Variants in TF observed in about 807,000 individuals in gnomAD.
The protein encoded by TF is serotransferrin.
In TF, 55 loss-of-function variants were observed where a neutral mutation model predicts 82.4. That is an observed-to-expected ratio of 0.67 (90% CI 0.54 to 0.84). TF has a LOEUF of 0.84. Ranked by LOEUF, TF falls within the 40% of genes least tolerant of loss-of-function variation. The probability of loss-of-function intolerance (pLI) is 0.00; values close to 1 mark genes in which losing one functional copy is unlikely to be tolerated. For missense variants in TF, 737 were observed against 868.4 expected (o/e 0.85, Z 1.90); for synonymous variants, 332 against 332.6 (o/e 1.00, Z 0.02).
Position 133,786,275 on chromosome 3 carries a change from A to G in TF, c.*7655A>G, listed in dbSNP as rs956047890. Reference sequence around the variant, plus strand: ...TTTTTGAACTATCTACCCTTTCTAGATGTTCTGAAATGCCTATGTTAAAAT... The same window carrying G: ...TTTTTGAACTATCTACCCTTTCTAGGTGTTCTGAAATGCCTATGTTAAAAT... On this transcript the variant is annotated 3_prime_UTR_variant, in exon 17 of 17. Transcript: ENST00000402696. 2.0e-5 allele frequency: 3 copies of G among 151,466 alleles called. No individual in the cohort carries two copies. Among genetic ancestry groups the G allele is most frequent in the Non-Finnish European group, 2.9e-5 (2 of 67,926 alleles). 9.4% of individuals were successfully genotyped at this position (151,466 alleles called of 1,614,324 possible). A position where few individuals can be genotyped will look rare whatever the true frequency, so the allele number is the denominator to read the frequency against.
intron 8 of TF, 119 bp downstream of exon 8, chr3:133,758,065 CCTGT>C: frequency 3.2e-6 from 3 of 947,200 alleles, no homozygotes; most frequent in Admixed American, 4.5e-5. Context: ...CTTTTTCTGA[CCTGT>C]CTGTGAGCCC....
chr3:133,747,921 T>A (rs1278658996), intron 1 of TF, among the ~76,000 whole-genome samples: 2 of 150,132 alleles, frequency 1.3e-5, no homozygotes, highest in African/African-American at 4.9e-5. Context: ...ACAAGCAGGG[T>A]GACCTTGGGT....
Position 133,791,956 on chromosome 3 carries a change from T to C in TF, c.*13336T>C, listed in dbSNP as rs962038735. 8.5e-5 allele frequency: 13 copies of C among 152,222 alleles called. No individual in the cohort carries two copies. Among genetic ancestry groups the C allele is most frequent in the African/African-American group, 2.4e-4 (10 of 41,458 alleles). 9.4% of individuals were successfully genotyped at this position (152,222 alleles called of 1,614,324 possible). A position where few individuals can be genotyped will look rare whatever the true frequency, so the allele number is the denominator to read the frequency against. ...TGCCTTCTATTTACTTCATGTAACT[T>C]AAGTAATCTTTGGGAAATAAAGACA... On this transcript the variant is annotated 3_prime_UTR_variant, in exon 17 of 17. Transcript: ENST00000402696.
the TF span, among the ~76,000 whole-genome samples, chr3:133,676,750 C>G: frequency 2.6e-5 from 4 of 152,250 alleles, no homozygotes; most frequent in Admixed American, 1.3e-4. Context: ...TGCAGCCCCG[C>G]TGGGATCGTT....
the TF span, among the ~76,000 whole-genome samples, chr3:133,701,399 G>C: frequency 1.3e-5 from 2 of 152,200 alleles, no homozygotes; most frequent in East Asian, 3.8e-4. Context: ...GAGGTTTCTG[G>C]TCTGGCCATC....
Position 133,796,008 on chromosome 3 carries a change from A to C in TF, c.*17388A>C, listed in dbSNP as rs1934960430. The C allele has an allele frequency of 1.3e-5, 2 of 152,266 alleles. No homozygotes were observed. The highest frequency in any genetic ancestry group is 4.8e-5 in the African/African-American group (2 of 41,428). The allele number at this position is 152,266 out of a possible 1,614,324, so 9.4% of individuals were successfully genotyped here. A position where few individuals can be genotyped will look rare whatever the true frequency, so the allele number is the denominator to read the frequency against. On this transcript the variant is annotated 3_prime_UTR_variant, in exon 17 of 17. Coordinates refer to ENST00000402696, the MANE Select transcript of TF (RefSeq NM_001063.4). The stretch of plus-strand genomic sequence containing the variant: ...GCCAAGACCTTAAGGAAACACATAG[A>C]TCCTAGAACAGACCACAGGCCAGGT...
In TF at chr3:133,778,735, T is replaced by G; in HGVS notation, c.*115T>G. 3 of 1,044,928 alleles carry G rather than the reference T, an allele frequency of 2.9e-6. No homozygotes were observed. Among genetic ancestry groups the G allele is most frequent in the Non-Finnish European group, 4.4e-6 (3 of 680,872 alleles). 64.7% of individuals were successfully genotyped at this position (1,044,928 alleles called of 1,614,324 possible). A position where few individuals can be genotyped will look rare whatever the true frequency, so the allele number is the denominator to read the frequency against. On this transcript the variant is annotated 3_prime_UTR_variant, in exon 17 of 17. Transcript: ENST00000402696. ...TGCTAACCACGTCTGTCTTCACAGCTCTGTGTTGCCATGTGTGCTGAACAA... is the reference window on the plus strand; with the variant it reads ...TGCTAACCACGTCTGTCTTCACAGCGCTGTGTTGCCATGTGTGCTGAACAA...
upstream of TF, among the ~76,000 whole-genome samples, chr3:133,742,791 T>C (rs1414877818): frequency 1.3e-5 from 2 of 152,220 alleles, no homozygotes; most frequent in African/African-American, 4.8e-5. Flanking sequence ...ACAACAAATA[T>C]TGGTTCAGAG....
At chr3:133,680,408 T>G in the TF span, among the ~76,000 whole-genome samples, 1 of 152,190 alleles carries the variant, frequency 6.6e-6, no homozygotes, top group Non-Finnish European at 1.5e-5. Context: ...CTCACTATGT[T>G]GCCCAGGCTG....
At position 133,755,707 on chromosome 3, in the gene TF, C is replaced by T; in HGVS notation, c.635+212C>T. On this transcript the variant is annotated intron_variant, in intron 5 of 16. Transcript: ENST00000402696. ...CTGACCCTGACAAGTAGGTCCTTTT[C>T]CTGGGGACCCTTCCTTTCTCCCCAG... is the stretch of plus-strand genomic sequence containing the variant. 4 of 636,192 alleles carry T rather than the reference C, an allele frequency of 6.3e-6. No homozygotes were observed. In the South Asian group the frequency reaches 7.5e-5, roughly 12 times the overall value. The allele number at this position is 636,192 out of a possible 1,614,324, so 39.4% of individuals were successfully genotyped here. A position where few individuals can be genotyped will look rare whatever the true frequency, so the allele number is the denominator to read the frequency against.
chr3:133,738,692 A>C, the TF span, among the ~76,000 whole-genome samples: 1 of 152,206 alleles, frequency 6.6e-6, no homozygotes, highest in African/African-American at 2.4e-5. Flanking sequence ...GCACCAAATC[A>C]TGAGTGGACT....
chr3:133,722,841 GATTT>G, the TF span, among the ~76,000 whole-genome samples: 2 of 152,140 alleles, frequency 1.3e-5, no homozygotes, highest in South Asian at 4.1e-4. Context: ...TTCTTAGTTT[GATTT>G]ATTTAATTAC....
At chr3:133,748,284 G>A (rs1029837089) in intron 1 of TF, 128 bp from the exon 2 acceptor site, 1 of 1,173,952 alleles carries the variant, frequency 8.5e-7, no homozygotes, top group Non-Finnish European at 1.2e-6. Context: ...GCCCTGTAGT[G>A]TTCATGGACA....
intron 1 of TF, chr3:133,747,036 A>G (rs1189971436): frequency 6.0e-6 from 1 of 165,542 alleles, no homozygotes; most frequent in East Asian, 1.7e-4. Context: ...GAGGTGGCAG[A>G]TGCTGAGTAC....
chr3:133,730,549 G>A, the TF span, among the ~76,000 whole-genome samples: 1 of 152,136 alleles, frequency 6.6e-6, no homozygotes, highest in African/African-American at 2.4e-5. Context: ...GTAGACCCTG[G>A]TCCAACAGGG....
chr3:133,725,166 A>G, the TF span, among the ~76,000 whole-genome samples: 1 of 152,116 alleles, frequency 6.6e-6, no homozygotes, highest in Non-Finnish European at 1.5e-5. Context: ...TATGAACTTT[A>G]AAGTAGTTTT....
At position 133,753,590 on chromosome 3, in the gene TF, T is replaced by C. The variant is rs369728138; in HGVS notation, c.217-5T>C. 9.5e-5 allele frequency: 153 copies of C among 1,613,582 alleles called. No homozygotes were observed. The highest frequency in any genetic ancestry group is 1.2e-4 in the Non-Finnish European group (139 of 1,179,612). ...TTCATCCAGGACTGGCCTGTTCTCT[T>C]TCAGGCAAACGAAGCGGATGCTGTG... On this transcript the variant is annotated splice_region_variant and splice_polypyrimidine_tract_variant and intron_variant, in intron 2 of 16. Transcript: ENST00000402696.
chr3:133,677,519 C>T, the TF span, among the ~76,000 whole-genome samples: 1 of 152,026 alleles, frequency 6.6e-6, no homozygotes, highest in Admixed American at 6.6e-5. Context: ...CGCCTGCGAT[C>T]CCAGCTACTC....
upstream of TF, among the ~76,000 whole-genome samples, chr3:133,745,169 A>G (rs1933466513): frequency 6.6e-6 from 1 of 152,246 alleles, no homozygotes; most frequent in South Asian, 2.1e-4. Flanking sequence ...GACAACACAA[A>G]AACAAGTGAA....
Sources: allele counts gnomAD v4.1 joint callset (sites outside exome capture counted in the v4.1 genomes callset), GRCh38; gene constraint gnomAD v4.1.1; transcripts MANE v1.5; gene names NCBI Gene and HGNC (gene_info 2026-07-23, HGNC 2026-07-21).